The following COLEC12 variants were observed in gnomAD, a reference collection of about 807,000 sequenced individuals.
The protein encoded by COLEC12 is collectin-12.
In COLEC12, 33 loss-of-function variants were observed where a neutral mutation model predicts 71.1. The observed-to-expected ratio is 0.46, with a 90% CI of 0.35 to 0.62. The LOEUF (loss-of-function observed/expected upper bound fraction) is 0.62. COLEC12 is among the 20% of genes least tolerant of loss of function. COLEC12 has a pLI of 0.00. For missense variants in COLEC12, 765 were observed against 916.1 expected (o/e 0.84, Z 2.13); for synonymous variants, 350 against 353.0 (o/e 0.99, Z 0.10).
intron 2 of COLEC12, among the ~76,000 whole-genome samples, chr18:359,680 T>C (rs1914701942): frequency 6.6e-6 from 1 of 152,262 alleles, no homozygotes; most frequent in Non-Finnish European, 1.5e-5. Context: ...GTGGATGTTT[T>C]AATGTGAAAA....
At chr18:473,956 CAG>C (rs1174097347) in intron 2 of COLEC12, among the ~76,000 whole-genome samples, 1 of 152,092 alleles carries the variant, frequency 6.6e-6, no homozygotes, top group South Asian at 2.1e-4. Context: ...GAATGAAAAC[CAG>C]AGAGAGTGGG....
At chr18:460,200 T>C (rs566401094) in intron 2 of COLEC12, among the ~76,000 whole-genome samples, 1 of 152,102 alleles carries the variant, frequency 6.6e-6, no homozygotes, top group Admixed American at 6.5e-5. Context: ...AAGAATAAAA[T>C]ATGGGCCAGC....
At chr18:348,380 T>C (rs1914433310) in intron 3 of COLEC12, among the ~76,000 whole-genome samples, 2 of 152,254 alleles carry the variant, frequency 1.3e-5, no homozygotes. Flanking sequence ...GAGAATTGTA[T>C]GTTCTTAACT....
At position 346,034 on chromosome 18, in the gene COLEC12, G is replaced by T. The variant is rs1466206099; in HGVS notation, c.1327+261C>A. On this transcript the variant is annotated intron_variant, in intron 5 of 9. Coordinates refer to ENST00000400256, the MANE Select transcript of COLEC12 (RefSeq NM_130386.3). The surrounding 1 kb of genome is among the most constrained non-coding windows in gnomAD (Gnocchi z 4.0). ...AAGGAACTGAGGCCTCCTGCCAAGA[G>T]CTATGTGAACAGGCCACTTAAGTAG... Among the ~76,000 whole-genome samples, 1 of 152,186 alleles carries T rather than the reference G, an allele frequency of 6.6e-6. No homozygotes were observed. The highest frequency in any genetic ancestry group is 2.4e-5 in the African/African-American group (1 of 41,454).
At chr18:350,814 G>A (rs1211634550) in intron 3 of COLEC12, among the ~76,000 whole-genome samples, 2 of 152,010 alleles carry the variant, frequency 1.3e-5, no homozygotes, top group Admixed American at 6.5e-5. Flanking sequence ...TGTAACCTCA[G>A]CTACTTAGGA....
In COLEC12 at chr18:396,082, T is replaced by C. The variant is rs149063138; in HGVS notation, c.59-38560A>G. ...TTGCTATCAGCTTTGTAAATGGAGA[T>C]GGCACCCCTCAGCCTCTAGTGAGCT... On this transcript the variant is annotated intron_variant, in intron 2 of 9. Transcript: ENST00000400256. Among the ~76,000 whole-genome samples the C allele has an allele frequency of 1.7e-3, 266 of 152,324 alleles. 1 individual carries two copies. Among genetic ancestry groups the C allele is most frequent in the Middle Eastern group, 0.014 (4 of 294 alleles).
In COLEC12 at chr18:480,780, A is replaced by T. The variant is rs760287928; in HGVS notation, c.8-23T>A. The T allele has an allele frequency of 2.5e-6, 4 of 1,611,014 alleles. No individual in the cohort carries two copies. In the Admixed American group the frequency reaches 6.7e-5, roughly 27 times the overall value. ...CGTCTGTGAGAGAAGAAGAGACACG[A>T]TGTTAATCCTGGCAAGGGGCACAGA... On this transcript the variant is annotated intron_variant, in intron 1 of 9. Coordinates refer to ENST00000400256, the MANE Select transcript of COLEC12 (RefSeq NM_130386.3). The surrounding 1 kb of genome is among the most constrained non-coding windows in gnomAD (Gnocchi z 4.1).
intron 1 of COLEC12, among the ~76,000 whole-genome samples, chr18:485,777 T>C (rs1257530666): frequency 1.3e-5 from 2 of 152,260 alleles, no homozygotes; most frequent in South Asian, 2.1e-4. Flanking sequence ...AGTCAATCTG[T>C]GGACCAAGTT....
intron 2 of COLEC12, among the ~76,000 whole-genome samples, chr18:451,376 A>G (rs1185496767): frequency 6.6e-6 from 1 of 152,186 alleles, no homozygotes; most frequent in African/African-American, 2.4e-5. Context: ...TATCTGGTGG[A>G]AGAAACTTCA....
Position 336,711 on chromosome 18 carries a change from TCA to T in COLEC12, c.1328-1483_1328-1482del, listed in dbSNP as rs748845393. ...ACCAAGGAGAGTAAGACATGGTCAG[TCA>T]CAATCTAGTAGTGGAGCTGGGGCAT... On this transcript the variant is annotated intron_variant, in intron 5 of 9. Coordinates refer to ENST00000400256, the MANE Select transcript of COLEC12 (RefSeq NM_130386.3). 3.9e-3 allele frequency among the ~76,000 whole-genome samples: 594 copies of T among 152,284 alleles called. 1 individual carries two copies. Among genetic ancestry groups the T allele is most frequent in the Non-Finnish European group, 7.1e-3 (484 of 68,022 alleles).
intron 2 of COLEC12, among the ~76,000 whole-genome samples, chr18:466,938 T>C (rs1369720880): frequency 6.6e-6 from 1 of 152,162 alleles, no homozygotes; most frequent in African/African-American, 2.4e-5. Context: ...TCTCCTTTAG[T>C]ACTTCAGGAA....
chr18:484,860 C>T (rs183991955), intron 1 of COLEC12, among the ~76,000 whole-genome samples: 1 of 152,194 alleles, frequency 6.6e-6, no homozygotes, highest in Non-Finnish European at 1.5e-5. Flanking sequence ...CCCAGCTGCT[C>T]AGTTAGCAAA....
intron 3 of COLEC12, among the ~76,000 whole-genome samples, chr18:351,119 G>A (rs374180685): frequency 2.0e-5 from 3 of 152,262 alleles, no homozygotes; most frequent in African/African-American, 7.2e-5. Context: ...AAGTTCCCAT[G>A]TGTTTGTGTG....
chr18:434,038 G>A (rs1034079344), intron 2 of COLEC12, among the ~76,000 whole-genome samples: 1 of 150,858 alleles, frequency 6.6e-6, no homozygotes, highest in Non-Finnish European at 1.5e-5. Context: ...TTAAGAGAGA[G>A]AAAAGAGAAG....
chr18:480,737 C>T lies in COLEC12; in HGVS notation c.28G>A (p.Glu10Lys). 6.2e-7 allele frequency: 1 copy of T among 1,614,110 alleles called. No homozygotes were observed. The highest frequency in any genetic ancestry group is 8.5e-7 in the Non-Finnish European group (1 of 1,179,982). Reference protein sequence around the residue: MKDDFAEEEEVQSFGYKRFG... With the variant: MKDDFAEEEKVQSFGYKRFG... ...CGCTTGTAACCGAAGGATTGCACCT[C>T]CTCCTCCTCTGCGAAGTCGTCTGTG... Residue 10 changes from glutamate to lysine, a missense_variant, in exon 2 of 10, where the codon GAG becomes AAG. Coordinates refer to ENST00000400256, the MANE Select transcript of COLEC12 (RefSeq NM_130386.3). The surrounding 1 kb of genome is among the most constrained non-coding windows in gnomAD (Gnocchi z 4.1).
chr18:409,327 G>A (rs1915848563), intron 2 of COLEC12, among the ~76,000 whole-genome samples: 1 of 152,176 alleles, frequency 6.6e-6, no homozygotes, highest in Admixed American at 6.5e-5. Context: ...GATCACCTGA[G>A]GTCAGGAGTT....
At chr18:349,270 G>C (rs1331175769) in intron 3 of COLEC12, among the ~76,000 whole-genome samples, 1 of 152,202 alleles carries the variant, frequency 6.6e-6, no homozygotes, top group Non-Finnish European at 1.5e-5. Flanking sequence ...GGCTGAAAGG[G>C]GCCAATGTGG....
At chr18:335,393 G>A (rs945911757) in intron 5 of COLEC12, among the ~76,000 whole-genome samples, 163 bp from the exon 6 acceptor site, 5 of 152,104 alleles carry the variant, frequency 3.3e-5, no homozygotes, top group African/African-American at 1.2e-4. Context: ...GACTGTTATG[G>A]GCTAAATTAT....
intron 2 of COLEC12, among the ~76,000 whole-genome samples, chr18:372,592 A>AT (rs1358355921): frequency 1.3e-5 from 2 of 151,834 alleles, no homozygotes; most frequent in African/African-American, 2.4e-5. Context: ...TAATTTTTGT[A>AT]TTTTTTGTAG....
Sources: gnomAD v4.1 joint callset for allele counts (sites outside exome capture counted in the v4.1 genomes callset) on GRCh38, gnomAD v4.1.1 for gene constraint, Gnocchi (gnomAD v3.1) non-coding constraint, MANE v1.5 for transcripts, NCBI Gene and HGNC (gene_info 2026-07-23, HGNC 2026-07-21) for gene names.